Variants in TLK1 observed in about 807,000 individuals in gnomAD.
TLK1 encodes tousled like kinase 1.
In TLK1, 24 loss-of-function variants were observed where a neutral mutation model predicts 105.3. The ratio of observed to expected loss-of-function variants is 0.23; its 90% confidence interval spans 0.17 to 0.32. TLK1 has a LOEUF of 0.32. TLK1 is among the 10% of genes least tolerant of loss of function. TLK1 has a pLI of 1.00. For missense variants in TLK1, 558 were observed against 910.5 expected, an observed-to-expected ratio of 0.61 and a Z score of 4.98; for synonymous variants, 321 against 310.4, an observed-to-expected ratio of 1.03 and a Z score of -0.36.
At chr2:171,159,680 C>G (rs533473544) in intron 1 of TLK1, 2 of 152,384 alleles carry the variant, frequency 1.3e-5, no homozygotes, top group African/African-American at 4.8e-5. Flanking sequence ...TAAAAGCCTG[C>G]CCACGAGTCA....
chr2:171,069,330 A>G (rs538142461), intron 3 of TLK1, among the ~76,000 whole-genome samples: 1 of 152,322 alleles, frequency 6.6e-6, no homozygotes, highest in South Asian at 2.1e-4. Context: ...TACTCTGAGC[A>G]CCGGTTTCTA....
intron 10 of TLK1, among the ~76,000 whole-genome samples, chr2:171,049,468 T>C (rs1351479436): frequency 1.3e-5 from 2 of 152,084 alleles, no homozygotes; most frequent in Non-Finnish European, 2.9e-5. Context: ...AAAAACTAAG[T>C]AGGAAAATCC....
At chr2:171,174,424 A>C (rs1692783403) in intron 1 of TLK1, among the ~76,000 whole-genome samples, 1 of 152,218 alleles carries the variant, frequency 6.6e-6, no homozygotes, top group South Asian at 2.1e-4. Flanking sequence ...ATCATGGGGT[A>C]CACTAATTCT....
intron 1 of TLK1, among the ~76,000 whole-genome samples, chr2:171,123,671 T>C (rs1241918899): frequency 6.6e-6 from 1 of 151,906 alleles, no homozygotes; most frequent in African/African-American, 2.4e-5. Flanking sequence ...AAACCTAAGG[T>C]GTGGTGGTAT....
intron 1 of TLK1, among the ~76,000 whole-genome samples, chr2:171,166,435 C>T (rs1387019634): frequency 6.6e-6 from 1 of 152,232 alleles, no homozygotes; most frequent in South Asian, 2.1e-4. Flanking sequence ...AAGAATAGGC[C>T]AAATGCCCCA....
At chr2:171,152,986 A>AT (rs1356806870) in intron 1 of TLK1, among the ~76,000 whole-genome samples, 1 of 152,064 alleles carries the variant, frequency 6.6e-6, no homozygotes, top group Non-Finnish European at 1.5e-5. Flanking sequence ...GGGTTTTTGT[A>AT]TTTTTTTAAA....
chr2:171,192,399 G>C (rs1357902969), intron 1 of TLK1, among the ~76,000 whole-genome samples: 1 of 152,150 alleles, frequency 6.6e-6, no homozygotes, highest in Non-Finnish European at 1.5e-5. Context: ...TGGTAACAGA[G>C]CCAGGCGCGG....
At chr2:171,050,291 G>C in intron 8 of TLK1, 117 bp from the exon 9 acceptor site, 1 of 612,544 alleles carries the variant, frequency 1.6e-6, no homozygotes, top group South Asian at 3.7e-5. Context: ...TTAAATATCT[G>C]AGTATGATAC....
In TLK1 at chr2:170,997,400, A is replaced by T. The variant is rs186143615; in HGVS notation, c.2016+312T>A. Among the ~76,000 whole-genome samples the T allele has an allele frequency of 2.2e-3, 332 of 152,304 alleles. 2 individuals are homozygous for T. The highest frequency in any genetic ancestry group is 3.7e-3 in the Non-Finnish European group (250 of 68,022). ...TGGGTGGGGTGGGGGGTGTAAGAGG[A>T]GGTCAAGTGAATGGTGGATAATGAA... On this transcript the variant is annotated intron_variant, in intron 19 of 20. Transcript: ENST00000431350.
In TLK1 at chr2:171,021,264, T is replaced by C. The variant is rs535649771; in HGVS notation, c.1237-6316A>G. 2.5e-4 allele frequency among the ~76,000 whole-genome samples: 24 copies of C among 94,324 alleles called. No individual in the cohort carries two copies. In the East Asian group the frequency reaches 0.038, roughly 149 times the overall value. 61.9% of individuals were successfully genotyped at this position (94,324 alleles called of 152,430 possible). ...AACTGATTGGCAAAATTTAAATATC[T>C]GGCACACTTGTCTTAAAAATATTTA... On this transcript the variant is annotated intron_variant, in intron 12 of 20. Transcript: ENST00000431350.
At chr2:171,206,348 T>C (rs1482321394) in intron 1 of TLK1, among the ~76,000 whole-genome samples, 2 of 152,208 alleles carry the variant, frequency 1.3e-5, no homozygotes, top group African/African-American at 4.8e-5. Context: ...AGTTGTGAAA[T>C]GGTGAGATAG....
chr2:171,118,368 CTTAA>C (rs1190662593), intron 1 of TLK1, among the ~76,000 whole-genome samples: 3 of 152,278 alleles, frequency 2.0e-5, no homozygotes, highest in East Asian at 3.9e-4. Flanking sequence ...GACATTACCA[CTTAA>C]TTATTTTGTT....
chr2:171,155,177 A>G (rs1473514634), intron 1 of TLK1, among the ~76,000 whole-genome samples: 1 of 152,172 alleles, frequency 6.6e-6, no homozygotes, highest in Non-Finnish European at 1.5e-5. Context: ...TAAGCATATT[A>G]CTTCTGAAAT....
intron 1 of TLK1, among the ~76,000 whole-genome samples, chr2:171,148,890 A>AAAAAAAAATAT (rs1445171800): frequency 2.3e-4 from 32 of 138,456 alleles, no homozygotes; most frequent in African/African-American, 8.7e-4. Context: ...AAAAAAAAAA[A>AAAAAAAAATAT]ATATATATAT....
Position 171,049,904 on chromosome 2 carries a change from C to T in TLK1, c.890G>A (p.Arg297Gln), listed in dbSNP as rs745350595. The T allele has an allele frequency of 1.2e-6, 2 of 1,613,574 alleles. No homozygotes were observed. Among genetic ancestry groups the T allele is most frequent in the Non-Finnish European group, 1.7e-6 (2 of 1,179,934 alleles). ...LSSREKSMQD[R>Q]LRLGHFTTVR... Reference sequence around the variant, plus strand: ...TGTTGTAAAGTGCCCGAGGCGTAATCGATCTTGCATACTCTTCTCTCTGCT... The same window carrying T: ...TGTTGTAAAGTGCCCGAGGCGTAATTGATCTTGCATACTCTTCTCTCTGCT... The change falls in exon 10 of 21, where the codon CGA (arginine) becomes CAA (glutamine). Residue 297 changes from arginine to glutamine, a missense_variant. Around this residue, in one of 5 missense-constraint regions of TLK1, gnomAD observed 196 missense variants for 239.3 expected, o/e 0.82. Coordinates refer to ENST00000431350, the MANE Select transcript of TLK1 (RefSeq NM_012290.5).
intron 2 of TLK1, among the ~76,000 whole-genome samples, chr2:171,095,796 T>A (rs995420050): frequency 2.7e-5 from 4 of 147,622 alleles, no homozygotes; most frequent in East Asian, 4.0e-4. Context: ...TTTCATGATT[T>A]AAAAAAAAAA....
rs141623582 is a variant in TLK1 at position 171,134,946 on chromosome 2, T to C, written c.140-17089A>G. 3.0e-3 allele frequency among the ~76,000 whole-genome samples: 463 copies of C among 151,974 alleles called. 4 individuals carry two copies. Among genetic ancestry groups the C allele is most frequent in the African/African-American group, 0.01 (434 of 41,476 alleles). ...GGAAATCCTGTCATTTGAAACAACA[T>C]GGATGAACTTAGAGGACAAAGTAAA... On this transcript the variant is annotated intron_variant, in intron 1 of 20. Transcript: ENST00000431350.
chr2:171,104,041 C>G (rs991210609), intron 2 of TLK1, among the ~76,000 whole-genome samples: 1 of 152,204 alleles, frequency 6.6e-6, no homozygotes, highest in Non-Finnish European at 1.5e-5. Context: ...GTAATCCCAA[C>G]ACTTTGGGAG....
intron 1 of TLK1, among the ~76,000 whole-genome samples, chr2:171,131,202 A>T (rs1319572197): frequency 3.9e-5 from 6 of 152,168 alleles, no homozygotes; most frequent in African/African-American, 7.2e-5. Context: ...AGGATGAAAA[A>T]GTACTATTTT....
Sources: allele counts gnomAD v4.1 joint callset (sites outside exome capture counted in the v4.1 genomes callset), GRCh38; gene constraint gnomAD v4.1.1; regional missense constraint gnomAD v4.1.1; transcripts MANE v1.5; gene names NCBI Gene and HGNC (gene_info 2026-07-23, HGNC 2026-07-21).